The following PRKX variants were observed in gnomAD, a reference collection of about 807,000 sequenced individuals.
PRKX encodes the protein protein kinase cAMP-dependent X-linked catalytic subunit.
In PRKX, 12 loss-of-function variants were observed where a neutral mutation model predicts 22.0. The observed-to-expected ratio is 0.54, with a 90% CI of 0.35 to 0.88. The LOEUF (loss-of-function observed/expected upper bound fraction) is 0.88, where lower values mean the gene tolerates loss of function less well. PRKX is among the 40% of genes least tolerant of loss of function. PRKX has a pLI of 0.01. For missense variants in PRKX, 217 were observed against 308.0 expected (o/e 0.70, Z 2.21); for synonymous variants, 134 against 137.7 (o/e 0.97, Z 0.19).
At chrX:3,712,976 G>A (rs962589748) in intron 1 of PRKX, 112 bp downstream of exon 1, 6 of 892,601 alleles carry the variant, frequency 6.7e-6, no homozygotes, top group Middle Eastern at 4.1e-4. Flanking sequence ...AGCCGAAGTA[G>A]CGGGTCAGGG....
chrX:3,639,538 G>C (rs1403620658), intron 4 of PRKX, among the ~76,000 whole-genome samples: 1 of 73,237 alleles, frequency 1.4e-5, no homozygotes, highest in Admixed American at 1.5e-4. Flanking sequence ...ATGGATGACG[G>C]GGTGGGTGGG....
At position 3,605,032 on chromosome X, in the gene PRKX, C is replaced by G. The variant is rs1388737175; in HGVS notation, c.*3937G>C. On this transcript the variant is annotated 3_prime_UTR_variant, in exon 9 of 9. Coordinates refer to ENST00000262848, the MANE Select transcript of PRKX (RefSeq NM_005044.5). Reference sequence around the variant, plus strand: ...ACCAAGACACACACACACACACACACACACACACACACACACACACACACA... The same window carrying G: ...ACCAAGACACACACACACACACACAGACACACACACACACACACACACACA... The G allele has an allele frequency of 9.5e-6, 1 of 105,335 alleles. No individual in the cohort carries two copies. 8.7% of individuals were successfully genotyped at this position (105,335 alleles called of 1,213,427 possible). A position where few individuals can be genotyped will look rare whatever the true frequency, so the allele number is the denominator to read the frequency against.
chrX:3,690,112 G>T (rs1196743258), intron 1 of PRKX, among the ~76,000 whole-genome samples: 17 of 112,487 alleles, frequency 1.5e-4, no homozygotes, highest in African/African-American at 5.2e-4. Flanking sequence ...CTTTAGAAAA[G>T]AATGTATGCT....
At chrX:3,668,700 C>T (rs1927786325) in intron 2 of PRKX, among the ~76,000 whole-genome samples, 1 of 112,097 alleles carries the variant, frequency 8.9e-6, no homozygotes, top group South Asian at 3.7e-4. Flanking sequence ...CCTGCAACCA[C>T]AGACCAAACC....
chrX:3,701,836 G>A (rs112439855), intron 1 of PRKX, among the ~76,000 whole-genome samples: 4,444 of 111,567 alleles, frequency 0.04, 159 homozygotes, highest in East Asian at 0.18. Context: ...TCCCATCAGC[G>A]CCATGACAGT....
intron 2 of PRKX, among the ~76,000 whole-genome samples, chrX:3,659,728 T>G (rs1482225772): frequency 1.5e-3 from 23 of 15,363 alleles, no homozygotes; most frequent in African/African-American, 6.3e-3. Context: ...TTTTTTTTTT[T>G]GTTTTTTTTT....
intron 4 of PRKX, among the ~76,000 whole-genome samples, chrX:3,634,289 T>C (rs973652282): frequency 2.8e-5 from 3 of 108,285 alleles, no homozygotes; most frequent in Admixed American, 2.0e-4. Context: ...AAATATAAAA[T>C]CTGTGCTCCT....
intron 1 of PRKX, among the ~76,000 whole-genome samples, chrX:3,703,670 T>G (rs1188661765): frequency 9.9e-5 from 3 of 30,445 alleles, no homozygotes; most frequent in East Asian, 1.3e-3. Context: ...TTTTTGGTTG[T>G]TTTTTTTTTT....
At chrX:3,639,681 C>A (rs1050811792) in intron 4 of PRKX, among the ~76,000 whole-genome samples, 2 of 110,271 alleles carry the variant, frequency 1.8e-5, no homozygotes, top group Admixed American at 1.9e-4. Context: ...CAATGAAATA[C>A]AGGTTTTTAC....
At chrX:3,621,117 A>G in intron 6 of PRKX, 142 bp downstream of exon 6, 1 of 476,680 alleles carries the variant, frequency 2.1e-6, no homozygotes, top group Non-Finnish European at 3.4e-6. Context: ...AAAAAAATAA[A>G]TAAAACACCA....
intron 1 of PRKX, among the ~76,000 whole-genome samples, chrX:3,682,535 A>T (rs1456125626): frequency 9.0e-6 from 1 of 111,332 alleles, no homozygotes; most frequent in Non-Finnish European, 1.9e-5. Flanking sequence ...CCACTTTTTT[A>T]AAAAATGAAA....
intron 3 of PRKX, among the ~76,000 whole-genome samples, chrX:3,652,806 C>T (rs1314134312): frequency 9.1e-6 from 1 of 110,133 alleles, no homozygotes; most frequent in African/African-American, 3.3e-5. Context: ...AGGGTGGGTC[C>T]TGATCCAAGA....
intron 1 of PRKX, among the ~76,000 whole-genome samples, chrX:3,699,044 T>C (rs776518762): frequency 1.0e-5 from 1 of 99,671 alleles, no homozygotes; most frequent in South Asian, 4.6e-4. Flanking sequence ...TTTTATTTTA[T>C]TTTTTTTTTT....
intron 1 of PRKX, among the ~76,000 whole-genome samples, chrX:3,695,614 GT>G (rs1332901741): frequency 9.0e-6 from 1 of 111,093 alleles, no homozygotes; most frequent in African/African-American, 3.3e-5. Flanking sequence ...GTCTCCCTAT[GT>G]TGCCCAGGCT....
intron 1 of PRKX, among the ~76,000 whole-genome samples, chrX:3,687,396 G>A (rs1031141662): frequency 8.9e-6 from 1 of 112,228 alleles, no homozygotes; most frequent in African/African-American, 3.2e-5. Context: ...TCATGTGGGT[G>A]AGACAGCAAA....
At chrX:3,612,127 G>A in intron 8 of PRKX, 50 bp downstream of exon 8, 3 of 1,113,681 alleles carry the variant, frequency 2.7e-6, no homozygotes, top group Non-Finnish European at 3.6e-6. Context: ...ACCTGGATGT[G>A]GGGTCGAGTC....
In PRKX at chrX:3,611,920, A is replaced by T. The variant is rs1437811527; in HGVS notation, c.*23+257T>A. On this transcript the variant is annotated intron_variant, in intron 8 of 8. Transcript: ENST00000262848. ...CACACACAAACCACCTAGCGGTCTT[A>T]TTTAGACATGCAGGTTCTGATGCAG... is the stretch of plus-strand genomic sequence containing the variant. Among the ~76,000 whole-genome samples, 3 of 111,457 alleles carry T rather than the reference A, an allele frequency of 2.7e-5. No individual in the cohort carries two copies. In the East Asian group the frequency reaches 8.5e-4, roughly 31 times the overall value.
At position 3,713,553 on chromosome X, in the gene PRKX, G is replaced by T; in HGVS notation, c.-300C>A. On this transcript the variant is annotated 5_prime_UTR_variant, in exon 1 of 9. Transcript: ENST00000262848. Reference sequence around the variant, plus strand: ...GGGGGCCGCGGCCCGGGCTGGGGGGGGCGAGGCGGGGGCCCTGCGCATTCC... The same window carrying T: ...GGGGGCCGCGGCCCGGGCTGGGGGGTGCGAGGCGGGGGCCCTGCGCATTCC... 1 of 189,565 alleles carries T rather than the reference G, an allele frequency of 5.3e-6. No individual in the cohort carries two copies. Among genetic ancestry groups the T allele is most frequent in the Non-Finnish European group, 9.8e-6 (1 of 101,963 alleles). The allele number at this position is 189,565 out of a possible 1,213,427, so 15.6% of individuals were successfully genotyped here.
intron 2 of PRKX, among the ~76,000 whole-genome samples, chrX:3,670,418 T>C (rs1927823445): frequency 8.9e-6 from 1 of 112,068 alleles, no homozygotes; most frequent in South Asian, 3.7e-4. Context: ...AAAGTGTTAA[T>C]GCACAGAAAA....
Sources: gnomAD v4.1 joint callset for allele counts (sites outside exome capture counted in the v4.1 genomes callset) on GRCh38, gnomAD v4.1.1 for gene constraint, MANE v1.5 for transcripts, NCBI Gene and HGNC (gene_info 2026-07-23, HGNC 2026-07-21) for gene names.